RLF: variants seen among roughly 807,000 people sequenced by gnomAD.
RLF encodes zinc finger protein Rlf.
RLF carries 7 observed loss-of-function variants against 162.9 expected under a neutral mutation model. The observed-to-expected ratio is 0.04, with a 90% CI of 0.02 to 0.08. The LOEUF (loss-of-function observed/expected upper bound fraction) is 0.08. Among genes scored for constraint, RLF ranks in the 10% least tolerant of loss-of-function variants. The pLI, the probability that RLF is intolerant of heterozygous loss-of-function variation, is 1.00. For missense variants in RLF, 1,664 were observed against 2,244.7 expected, an observed-to-expected ratio of 0.74 and a Z score of 5.23; for synonymous variants, 782 against 791.5, an observed-to-expected ratio of 0.99 and a Z score of 0.20.
Position 40,239,937 on chromosome 1 carries a change from C to T in RLF, c.5235C>T (p.Val1745=), listed in dbSNP as rs138324360. 6 of 1,613,596 alleles carry T rather than the reference C, an allele frequency of 3.7e-6. No homozygotes were observed. In the East Asian group the frequency reaches 6.7e-5, roughly 18 times the overall value. Residue 1745 remains valine (V), a synonymous_variant, in exon 8 of 8, where the codon GTC becomes GTT. Transcript: ENST00000372771. ...QENTVKNPTH[V]PKENFRKHSQ... ...ACACTGTAAAAAATCCAACCCATGT[C>T]CCAAAAGAGAATTTTAGGAAACATT...
intron 4 of RLF, among the ~76,000 whole-genome samples, chr1:40,196,134 G>C (rs967414945): frequency 6.6e-6 from 1 of 150,816 alleles, no homozygotes; most frequent in Non-Finnish European, 1.5e-5. Context: ...GGAGTGCAGT[G>C]GCAGGATCTC....
At chr1:40,185,517 T>TAA (rs769379758) in intron 1 of RLF, among the ~76,000 whole-genome samples, 2,208 of 23,744 alleles carry the variant, frequency 0.093, 730 homozygotes, top group South Asian at 0.15. Flanking sequence ...AATCTTGCAT[T>TAA]AAAAAAAAAA....
intron 4 of RLF, among the ~76,000 whole-genome samples, chr1:40,198,797 T>C (rs1349952927): frequency 6.6e-6 from 1 of 152,176 alleles, no homozygotes; most frequent in East Asian, 1.9e-4. Context: ...AATTTTGTAT[T>C]GAAATGTTTG....
chr1:40,234,657 G>C (rs1486996627), intron 7 of RLF, among the ~76,000 whole-genome samples: 3 of 152,230 alleles, frequency 2.0e-5, no homozygotes, highest in African/African-American at 7.2e-5. Flanking sequence ...TAGAGGTTGA[G>C]AACTTGTCAC....
Position 40,189,115 on chromosome 1 carries a change from G to A in RLF, c.298G>A (p.Val100Ile). 1 of 1,613,252 alleles carries A rather than the reference G, an allele frequency of 6.2e-7. No individual in the cohort carries two copies. The highest frequency in any genetic ancestry group is 8.5e-7 in the Non-Finnish European group (1 of 1,179,288). ...AGAACATATTGTGTATCTTCTGGAGGTATATCGACTTGCCATCCAAAGCTT... is the reference window on the plus strand; with the variant it reads ...AGAACATATTGTGTATCTTCTGGAGATATATCGACTTGCCATCCAAAGCTT... ...ASEHIVYLLE[V>I]YRLAIQSFAS... The change falls in exon 2 of 8, where the codon GTA becomes ATA. Residue 100 changes from valine to isoleucine, a missense_variant. Around this residue, in one of 15 missense-constraint regions of RLF, gnomAD observed 287 missense variants for 404.9 expected, o/e 0.71. Transcript: ENST00000372771.
intron 7 of RLF, among the ~76,000 whole-genome samples, chr1:40,234,147 G>C (rs542883779): frequency 1.3e-5 from 2 of 152,156 alleles, no homozygotes; most frequent in South Asian, 4.1e-4. Flanking sequence ...ATGGGGTTTT[G>C]CCATGTTGGC....
chr1:40,191,001 G>T (rs1195792855), intron 3 of RLF, 148 bp downstream of exon 3: 1 of 454,724 alleles, frequency 2.2e-6, no homozygotes. Flanking sequence ...CCCTTCACAT[G>T]AAGGGGATGT....
chr1:40,166,087 C>T (rs907053192), intron 1 of RLF, among the ~76,000 whole-genome samples: 2 of 152,302 alleles, frequency 1.3e-5, no homozygotes, highest in South Asian at 2.1e-4. Flanking sequence ...AGTACATAAA[C>T]GTGGTGCCTA....
intron 1 of RLF, among the ~76,000 whole-genome samples, chr1:40,167,077 A>T (rs1424196547): frequency 6.6e-6 from 1 of 152,212 alleles, no homozygotes; most frequent in African/African-American, 2.4e-5. Context: ...ATTATTTATC[A>T]ATCTAAGCCT....
chr1:40,225,806 G>A (rs1277180947), intron 6 of RLF, among the ~76,000 whole-genome samples: 2 of 149,100 alleles, frequency 1.3e-5, no homozygotes, highest in Admixed American at 6.7e-5. Flanking sequence ...GAACCTGGGA[G>A]GCAGAGCTTG....
At chr1:40,167,537 A>G (rs1642184282) in intron 1 of RLF, among the ~76,000 whole-genome samples, 2 of 152,052 alleles carry the variant, frequency 1.3e-5, no homozygotes, top group Non-Finnish European at 2.9e-5. Flanking sequence ...TCCATGGATC[A>G]TACTCTTCTG....
At chr1:40,207,235 C>G (rs1312942660) in intron 5 of RLF, among the ~76,000 whole-genome samples, 2 of 152,184 alleles carry the variant, frequency 1.3e-5, no homozygotes, top group Non-Finnish European at 2.9e-5. Context: ...AAGGTATAGC[C>G]TCATCCCTTG....
chr1:40,203,304 C>T (rs947013870), intron 5 of RLF, among the ~76,000 whole-genome samples: 10 of 151,512 alleles, frequency 6.6e-5, no homozygotes, highest in African/African-American at 2.2e-4. Context: ...TTAGTAGAGA[C>T]GGGGTTTCAC....
chr1:40,228,818 G>C lies in RLF; in HGVS notation c.948-2699G>C, dbSNP rs1038624588. On this transcript the variant is annotated intron_variant, in intron 6 of 7. Transcript: ENST00000372771. ...GTGAATTTTATTTTATTTGAGAGAA[G>C]ATATTACTCTGTCACCCAGGCTGGA... is the stretch of plus-strand genomic sequence containing the variant. Among the ~76,000 whole-genome samples, 13 of 152,130 alleles carry C rather than the reference G, an allele frequency of 8.5e-5. 1 individual carries two copies. Among genetic ancestry groups the C allele is most frequent in the East Asian group, 3.9e-4 (2 of 5,182 alleles).
Position 40,237,432 on chromosome 1 carries a change from A to G in RLF, c.2730A>G (p.Glu910=). The stretch of plus-strand genomic sequence containing the variant: ...ATAGCTCTTCAGCTTCAATGAATGA[A>G]GAGCTAATTGACACACTAGATCACT... The part of the protein sequence containing the change: ...LSHSSSASMN[E]ELIDTLDHSE... The change falls in exon 8 of 8, where the codon GAA becomes GAG. Residue 910 remains glutamate (E), a synonymous_variant. Coordinates refer to ENST00000372771, the MANE Select transcript of RLF (RefSeq NM_012421.4). The surrounding 1 kb of genome is among the most constrained non-coding windows in gnomAD (Gnocchi z 4.4). 2 of 1,614,078 alleles carry G rather than the reference A, an allele frequency of 1.2e-6. No individual in the cohort carries two copies. The highest frequency in any genetic ancestry group is 1.3e-5 in the African/African-American group (1 of 75,038).
intron 5 of RLF, among the ~76,000 whole-genome samples, chr1:40,205,771 G>C (rs541397360): frequency 2.6e-5 from 4 of 152,122 alleles, no homozygotes; most frequent in Admixed American, 2.0e-4. Context: ...GATTACAGGC[G>C]TGAGCCACGG....
At chr1:40,196,193 C>T (rs560427651) in intron 4 of RLF, among the ~76,000 whole-genome samples, 1 of 152,108 alleles carries the variant, frequency 6.6e-6, no homozygotes, top group South Asian at 2.1e-4. Context: ...CTGCCTCAGC[C>T]TCCTGAATAG....
In RLF at chr1:40,236,844, G is replaced by A. The variant is rs756533718; in HGVS notation, c.2142G>A (p.Glu714=). Residue 714 remains glutamate (E), a synonymous_variant, in exon 8 of 8, where the codon GAG becomes GAA. Transcript: ENST00000372771. The surrounding 1 kb of genome is among the most constrained non-coding windows in gnomAD (Gnocchi z 7.7). ...KHYLDMKNRR[E]KCTYCRRHFM... ...ACTTGGATATGAAAAATAGAAGAGA[G>A]AAGTGTACTTACTGTCGACGACATT... 1 of 1,614,134 alleles carries A rather than the reference G, an allele frequency of 6.2e-7. No homozygotes were observed. Among genetic ancestry groups the A allele is most frequent in the South Asian group, 1.1e-5 (1 of 91,072 alleles).
chr1:40,194,856 C>T (rs966293512), intron 3 of RLF, among the ~76,000 whole-genome samples: 4 of 150,190 alleles, frequency 2.7e-5, no homozygotes, highest in Admixed American at 6.6e-5. Context: ...ATTTATGAGA[C>T]GGAGTCTTGT....
Sources: gnomAD v4.1 joint callset for allele counts (sites outside exome capture counted in the v4.1 genomes callset) on GRCh38, gnomAD v4.1.1 for gene constraint, gnomAD v4.1.1 regional missense constraint, Gnocchi (gnomAD v3.1) non-coding constraint, MANE v1.5 for transcripts, NCBI Gene and HGNC (gene_info 2026-07-23, HGNC 2026-07-21) for gene names.